AHCYL1: variants seen among roughly 807,000 people sequenced by gnomAD.
The protein encoded by AHCYL1 is S-adenosylhomocysteine hydrolase-like protein 1.
Under a neutral mutation model 79.3 loss-of-function variants are expected in AHCYL1, and 20 were observed. That is an observed-to-expected ratio of 0.25 (90% CI 0.18 to 0.37). The LOEUF (loss-of-function observed/expected upper bound fraction) is 0.37, where lower values mean the gene tolerates loss of function less well. Among genes scored for constraint, AHCYL1 ranks in the 10% least tolerant of loss-of-function variants. AHCYL1 has a pLI of 1.00. For missense variants in AHCYL1, 330 were observed against 673.6 expected (o/e 0.49, Z 5.65); for synonymous variants, 223 against 242.2 (o/e 0.92, Z 0.74).
At chr1:109,996,539 C>T (rs1650039635) in intron 1 of AHCYL1, among the ~76,000 whole-genome samples, 1 of 152,128 alleles carries the variant, frequency 6.6e-6, no homozygotes, top group African/African-American at 2.4e-5. Flanking sequence ...GTTTGGAACC[C>T]TCTGAGAGAT....
intron 1 of AHCYL1, among the ~76,000 whole-genome samples, chr1:109,998,018 C>T (rs925280374): frequency 2.0e-5 from 3 of 152,218 alleles, no homozygotes; most frequent in Non-Finnish European, 4.4e-5. Flanking sequence ...CCAGTTATAA[C>T]TGCTCTCCAG....
In AHCYL1 at chr1:110,015,335, G is replaced by C; in HGVS notation, c.676-90G>C. Reference sequence around the variant, plus strand: ...AGGAGTACTCTTCCAAAACATACAGGGCTCTCTTACTAGTACAGAAAGTGG... The same window carrying C: ...AGGAGTACTCTTCCAAAACATACAGCGCTCTCTTACTAGTACAGAAAGTGG... On this transcript the variant is annotated intron_variant, in intron 6 of 16. Transcript: ENST00000369799. 3.1e-6 allele frequency: 3 copies of C among 978,922 alleles called. No individual in the cohort carries two copies. In the South Asian group the frequency reaches 4.1e-5, roughly 13 times the overall value. The allele number at this position is 978,922 out of a possible 1,614,324, so 60.6% of individuals were successfully genotyped here.
intron 1 of AHCYL1, among the ~76,000 whole-genome samples, chr1:109,996,158 C>T (rs1236411922): frequency 4.6e-5 from 7 of 152,014 alleles, no homozygotes; most frequent in African/African-American, 9.7e-5. Flanking sequence ...TGCAGTGAGC[C>T]GAGATGGCAT....
intron 13 of AHCYL1, 152 bp downstream of exon 13, chr1:110,018,802 A>G (rs1013405292): frequency 1.2e-6 from 1 of 842,748 alleles, no homozygotes. Context: ...CCAAAATAAA[A>G]CCACTTTAAA....
At chr1:109,989,518 C>T (rs1649646195) in intron 1 of AHCYL1, among the ~76,000 whole-genome samples, 1 of 152,148 alleles carries the variant, frequency 6.6e-6, no homozygotes, top group Admixed American at 6.5e-5. Context: ...CACGCCCACC[C>T]CAATATAGTA....
chr1:110,021,411 TG>T (rs1208679534), intron 16 of AHCYL1, among the ~76,000 whole-genome samples: 1 of 152,196 alleles, frequency 6.6e-6, no homozygotes, highest in East Asian at 1.9e-4. Context: ...AACATTATTT[TG>T]TAAAACCTCC....
intron 5 of AHCYL1, 44 bp from the exon 6 acceptor site, chr1:110,014,719 A>G (rs745584470): frequency 2.7e-6 from 4 of 1,463,420 alleles, no homozygotes; most frequent in South Asian, 2.3e-5. Context: ...GGTACAGGAC[A>G]CTCCTCAAAG....
chr1:110,021,571 A>G, intron 16 of AHCYL1, 103 bp from the exon 17 acceptor site: 2 of 1,146,174 alleles, frequency 1.7e-6, no homozygotes, highest in South Asian at 1.3e-5. Context: ...GATCCCACCC[A>G]GGCTGGGGAG....
At chr1:110,017,155 C>T (rs1341283066) in intron 9 of AHCYL1, among the ~76,000 whole-genome samples, 2 of 152,124 alleles carry the variant, frequency 1.3e-5, no homozygotes, top group African/African-American at 2.4e-5. Context: ...TCCTGAGCTA[C>T]GAGGGTATCC....
At chr1:110,004,465 G>A in intron 1 of AHCYL1, 1 of 985,444 alleles carries the variant, frequency 1.0e-6, no homozygotes, top group Non-Finnish European at 1.2e-6. Context: ...GGTGTGTCTG[G>A]GAGCATTGTG....
chr1:110,019,079 C>T lies in AHCYL1; in HGVS notation c.1346C>T (p.Thr449Ile). 6.2e-7 allele frequency: 1 copy of T among 1,614,190 alleles called. No homozygotes were observed. The highest frequency in any genetic ancestry group is 8.5e-7 in the Non-Finnish European group (1 of 1,180,036). Residue 449 changes from threonine to isoleucine, a missense_variant, in exon 14 of 17, where the codon ACA (threonine) becomes ATA (isoleucine). By Grantham distance (89) the Thr-to-Ile change is moderately conservative. Around this residue, in one of 6 missense-constraint regions of AHCYL1, gnomAD observed 119 missense variants for 293.3 expected, o/e 0.41. Coordinates refer to ENST00000369799, the MANE Select transcript of AHCYL1 (RefSeq NM_006621.7). ...EGRLLNLSCS[T>I]VPTFVLSITA... The stretch of plus-strand genomic sequence containing the variant: ...CGTCTACTCAATTTGAGCTGCTCCA[C>T]AGTTCCCACCTTTGTTCTGTCCATC...
chr1:110,019,742 G>C lies in AHCYL1; in HGVS notation c.1465+116G>C, dbSNP rs1651670741. ...CCAATTCCTGTTCCTGTGCTTACTGGTTGTTTGACCTCAGGACAAGTTCTA... is the reference window on the plus strand; with the variant it reads ...CCAATTCCTGTTCCTGTGCTTACTGCTTGTTTGACCTCAGGACAAGTTCTA... On this transcript the variant is annotated intron_variant, in intron 15 of 16. Coordinates refer to ENST00000369799, the MANE Select transcript of AHCYL1 (RefSeq NM_006621.7). 4 of 1,006,372 alleles carry C rather than the reference G, an allele frequency of 4.0e-6. No homozygotes were observed. The East Asian group carries it at 9.8e-5, about 25-fold the overall frequency. 62.3% of individuals were successfully genotyped at this position (1,006,372 alleles called of 1,614,324 possible).
At chr1:109,993,415 T>C (rs186688789) in intron 1 of AHCYL1, among the ~76,000 whole-genome samples, 6 of 152,344 alleles carry the variant, frequency 3.9e-5, no homozygotes, top group African/African-American at 1.4e-4. Context: ...ATCTCACACA[T>C]ATTTATATAG....
chr1:110,015,593 G>C (rs966694965), intron 7 of AHCYL1, 62 bp downstream of exon 7: 3 of 1,368,702 alleles, frequency 2.2e-6, no homozygotes, highest in African/African-American at 1.4e-5. Flanking sequence ...CCTGGTCTCT[G>C]TTAGGCTTTA....
chr1:110,019,291 C>T (rs1057260223), intron 14 of AHCYL1, among the ~76,000 whole-genome samples, 172 bp downstream of exon 14: 4 of 152,136 alleles, frequency 2.6e-5, no homozygotes, highest in African/African-American at 7.2e-5. Flanking sequence ...AGTCAGTATT[C>T]GTTGAATTGG....
At chr1:110,007,602 G>A (rs1650737774) in intron 1 of AHCYL1, among the ~76,000 whole-genome samples, 1 of 152,162 alleles carries the variant, frequency 6.6e-6, no homozygotes. Context: ...TGTAACTAAT[G>A]GGTAGTTTAC....
rs17551493 is a variant in AHCYL1 at position 109,984,850 on chromosome 1, G to T, written c.-203G>T. The T allele has an allele frequency of 1.4e-6, 1 of 739,548 alleles. No homozygotes were observed. The highest frequency in any genetic ancestry group is 1.8e-6 in the Non-Finnish European group (1 of 542,114). The allele number at this position is 739,548 out of a possible 1,614,324, so 45.8% of individuals were successfully genotyped here. ...CTGCTGTTCTGGTTCTCTTGTGGCC[G>T]CCGTCGCTGTCCGGCTGCCTTGGGC... On this transcript the variant is annotated 5_prime_UTR_variant, in exon 1 of 17. Transcript: ENST00000369799.
rs114426421 is a variant in AHCYL1, at chr1:109,985,449, G to A, written c.120+277G>A. On this transcript the variant is annotated intron_variant, in intron 1 of 16. Transcript: ENST00000369799. ...TTGCGACTGACTTTTCCTGGATGAA[G>A]GGCCTCGAAGACGAGAGTGGGAGGG... is the stretch of plus-strand genomic sequence containing the variant. 1,799 of 1,145,770 alleles carry A rather than the reference G, an allele frequency of 1.6e-3. 25 individuals are homozygous for A. In the African/African-American group the frequency reaches 0.026, roughly 17 times the overall value. The allele number at this position is 1,145,770 out of a possible 1,614,324, so 71.0% of individuals were successfully genotyped here.
Position 110,023,287 on chromosome 1 carries a change from C to A in AHCYL1, c.*1607C>A, listed in dbSNP as rs1229692159. 2.0e-5 allele frequency: 3 copies of A among 152,630 alleles called. No individual in the cohort carries two copies. Among genetic ancestry groups the A allele is most frequent in the African/African-American group, 7.2e-5 (3 of 41,432 alleles). 9.5% of individuals were successfully genotyped at this position (152,630 alleles called of 1,614,324 possible). On this transcript the variant is annotated 3_prime_UTR_variant, in exon 17 of 17. Coordinates refer to ENST00000369799, the MANE Select transcript of AHCYL1 (RefSeq NM_006621.7). ...CCAAAACTTTTTTCCCTTTTCTCTC[C>A]CATTTTCTTTTACCCAATCCCTTCT...
Sources: allele counts gnomAD v4.1 joint callset (sites outside exome capture counted in the v4.1 genomes callset), GRCh38; gene constraint gnomAD v4.1.1; regional missense constraint gnomAD v4.1.1; transcripts MANE v1.5; gene names NCBI Gene and HGNC (gene_info 2026-07-23, HGNC 2026-07-21).